The following NLGN1 variants were observed in gnomAD, a reference collection of about 807,000 sequenced individuals.
NLGN1 encodes the protein neuroligin-1.
A neutral mutation model predicts 65.5 loss-of-function variants in NLGN1; 12 were observed. The observed-to-expected ratio is 0.18, with a 90% CI of 0.12 to 0.30. NLGN1 has a LOEUF of 0.30. NLGN1 is among the 10% of genes least tolerant of loss of function. NLGN1 has a pLI of 1.00. For synonymous variants in NLGN1, 350 were observed against 359.5 expected (o/e 0.97, Z 0.30); for missense variants, 750 against 1,007.1 (o/e 0.74, Z 3.46).
chr3:173,942,120 G>T (rs1746229191), intron 4 of NLGN1, among the ~76,000 whole-genome samples: 1 of 142,690 alleles, frequency 7.0e-6, no homozygotes, highest in Non-Finnish European at 1.6e-5. Context: ...GTGTGTGTGT[G>T]TGTGTGTGTG....
chr3:173,612,539 T>C (rs1230195958), intron 3 of NLGN1, among the ~76,000 whole-genome samples: 1 of 152,062 alleles, frequency 6.6e-6, no homozygotes, highest in Non-Finnish European at 1.5e-5. Context: ...CTCCAATTTC[T>C]AGCTCTGTTG....
chr3:174,145,526 G>GAA (rs146959793), intron 4 of NLGN1, among the ~76,000 whole-genome samples: 1 of 150,922 alleles, frequency 6.6e-6, no homozygotes, highest in African/African-American at 2.4e-5. Context: ...AAAAGAAAAA[G>GAA]AAAAAAAACA....
chr3:173,912,950 A>C (rs1330618943), intron 4 of NLGN1, among the ~76,000 whole-genome samples: 1 of 152,138 alleles, frequency 6.6e-6, no homozygotes, highest in African/African-American at 2.4e-5. Context: ...AGGAAAGAAA[A>C]CAGTATAGAG....
intron 2 of NLGN1, among the ~76,000 whole-genome samples, chr3:173,573,194 G>A (rs767133171): frequency 2.0e-5 from 3 of 152,248 alleles, no homozygotes; most frequent in African/African-American, 7.2e-5. Context: ...AGTTTAATCC[G>A]TTGCTAGCAG....
intron 4 of NLGN1, among the ~76,000 whole-genome samples, chr3:174,074,570 C>G (rs1160430571): frequency 1.3e-5 from 2 of 152,092 alleles, no homozygotes; most frequent in Admixed American, 1.3e-4. Flanking sequence ...CGATCAGACA[C>G]GGATGTTACT....
At chr3:174,225,730 C>CA (rs746747895) in intron 4 of NLGN1, among the ~76,000 whole-genome samples, 4,774 of 102,088 alleles carry the variant, frequency 0.047, 88 homozygotes, top group Middle Eastern at 0.15. Context: ...GACTCCGTCT[C>CA]AAAAAAAAAA....
chr3:174,259,457 T>G lies in NLGN1; in HGVS notation c.647-15858T>G, dbSNP rs80330964. On this transcript the variant is annotated intron_variant, in intron 4 of 6. Coordinates refer to ENST00000457714, the Ensembl canonical transcript of NLGN1. ...GGCTTTTTTTTTCTACTCTCTTTTT[T>G]CGATAGCCTAAGAATTACATCAATT... 1.8e-3 allele frequency among the ~76,000 whole-genome samples: 269 copies of G among 152,042 alleles called. 3 individuals are homozygous for G. The East Asian group carries it at 0.046, about 26-fold the overall frequency.
At chr3:174,158,875 G>A (rs1725966661) in intron 4 of NLGN1, among the ~76,000 whole-genome samples, 1 of 151,444 alleles carries the variant, frequency 6.6e-6, no homozygotes, top group Non-Finnish European at 1.5e-5. Flanking sequence ...GCATTCCTTA[G>A]GCCTTTCCCT....
intron 4 of NLGN1, among the ~76,000 whole-genome samples, chr3:174,114,910 A>G (rs1468072979): frequency 2.0e-5 from 3 of 152,152 alleles, no homozygotes; most frequent in Non-Finnish European, 2.9e-5. Context: ...AATAGCAGGT[A>G]TCTATTAAAG....
chr3:174,227,040 C>T (rs970104971), intron 4 of NLGN1, among the ~76,000 whole-genome samples: 5 of 152,096 alleles, frequency 3.3e-5, no homozygotes, highest in African/African-American at 1.2e-4. Context: ...TAGGCCTGGT[C>T]TAGTAAGGTT....
chr3:173,587,257 A>G (rs1039913722), intron 2 of NLGN1, among the ~76,000 whole-genome samples: 18 of 152,204 alleles, frequency 1.2e-4, no homozygotes, highest in African/African-American at 3.4e-4. Context: ...TTTGTCAGTT[A>G]AAATGAAAAG....
intron 4 of NLGN1, among the ~76,000 whole-genome samples, chr3:174,270,141 T>G (rs1749098092): frequency 7.8e-6 from 1 of 128,556 alleles, no homozygotes; most frequent in East Asian, 2.3e-4. Flanking sequence ...TTTTTTTTTT[T>G]GATGTGCAGA....
chr3:173,895,051 T>C (rs535493428), intron 4 of NLGN1, among the ~76,000 whole-genome samples: 2 of 152,162 alleles, frequency 1.3e-5, no homozygotes, highest in Non-Finnish European at 2.9e-5. Context: ...AGGGAGAATC[T>C]GTTTCCTTGC....
At position 174,040,797 on chromosome 3, in the gene NLGN1, A is replaced by G. The variant is rs539579541; in HGVS notation, c.646+232965A>G. ...CAAAAGAATTTTACAGTAAATGTTCATATATCTATCACCTAGATTCTATCA... is the reference window on the plus strand; with the variant it reads ...CAAAAGAATTTTACAGTAAATGTTCGTATATCTATCACCTAGATTCTATCA... On this transcript the variant is annotated intron_variant, in intron 4 of 6. Coordinates refer to ENST00000457714, the Ensembl canonical transcript of NLGN1. Among the ~76,000 whole-genome samples, 4 of 152,256 alleles carry G rather than the reference A, an allele frequency of 2.6e-5. No homozygotes were observed. The East Asian group carries it at 5.8e-4, about 22-fold the overall frequency.
chr3:173,766,635 G>C (rs1206474534), intron 3 of NLGN1, among the ~76,000 whole-genome samples: 1 of 152,052 alleles, frequency 6.6e-6, no homozygotes, highest in Non-Finnish European at 1.5e-5. Flanking sequence ...ACAGGACGAG[G>C]TTAAGTCATA....
At chr3:174,226,989 C>A (rs6805439) in intron 4 of NLGN1, among the ~76,000 whole-genome samples, 55,716 of 151,902 alleles carry the variant, frequency 0.37, 10,273 homozygotes, top group East Asian at 0.5. Flanking sequence ...AGTAGGCATA[C>A]GATTGTTGAC....
chr3:174,094,896 ATAAAT>A (rs1326386057), intron 4 of NLGN1, among the ~76,000 whole-genome samples: 1 of 152,110 alleles, frequency 6.6e-6, no homozygotes. Flanking sequence ...AGCAGACGTA[ATAAAT>A]AGAAAGAGGC....
chr3:173,806,623 A>C (rs1201986964), intron 3 of NLGN1, among the ~76,000 whole-genome samples: 1 of 152,120 alleles, frequency 6.6e-6, no homozygotes, highest in African/African-American at 2.4e-5. Flanking sequence ...TAGTAGTTCA[A>C]ATATTTCAAT....
At chr3:173,561,785 G>T (rs1040357268) in intron 2 of NLGN1, among the ~76,000 whole-genome samples, 4 of 152,098 alleles carry the variant, frequency 2.6e-5, no homozygotes, top group African/African-American at 9.7e-5. Flanking sequence ...ATACTGTGAA[G>T]AATACAGAGA....
Sources: gnomAD v4.1 joint callset for allele counts (sites outside exome capture counted in the v4.1 genomes callset) on GRCh38, gnomAD v4.1.1 for gene constraint, MANE v1.5 for transcripts, NCBI Gene and HGNC (gene_info 2026-07-23, HGNC 2026-07-21) for gene names.